The following MDFIC2 variants were observed in gnomAD, a reference collection of about 807,000 sequenced individuals.
MDFIC2 encodes the protein myoD family inhibitor domain-containing protein 2.
intron 2 of MDFIC2, among the ~76,000 whole-genome samples, chr3:70,265,997 T>G (rs1043282020): frequency 1.3e-5 from 2 of 152,162 alleles, no homozygotes; most frequent in South Asian, 2.1e-4. Flanking sequence ...ACATGAGATT[T>G]AGGTTGAGAC....
intron 2 of MDFIC2, among the ~76,000 whole-genome samples, chr3:70,255,776 G>A (rs6419771): frequency 0.99 from 150,410 of 152,292 alleles, 74,290 homozygotes; most frequent in Non-Finnish European, 1. Context: ...TTTTTCAACT[G>A]CAGCTTATGT....
chr3:70,237,733 T>C (rs1298393992), intron 2 of MDFIC2, among the ~76,000 whole-genome samples: 1 of 152,230 alleles, frequency 6.6e-6, no homozygotes, highest in Non-Finnish European at 1.5e-5. Context: ...AGGTGAAACA[T>C]ACCTCAATGG....
At chr3:70,274,194 GTGTT>G (rs1702000831) in intron 2 of MDFIC2, among the ~76,000 whole-genome samples, 1 of 151,712 alleles carries the variant, frequency 6.6e-6, no homozygotes, top group South Asian at 2.1e-4. Context: ...GGGGATGTGA[GTGTT>G]TGTGTGTTTG....
chr3:70,266,314 C>G (rs560292098), intron 2 of MDFIC2, among the ~76,000 whole-genome samples: 1 of 152,204 alleles, frequency 6.6e-6, no homozygotes, highest in East Asian at 1.9e-4. Flanking sequence ...TATAGCTCAA[C>G]ACTGTTTTGA....
chr3:70,207,528 G>A (rs750925164), intron 2 of MDFIC2, among the ~76,000 whole-genome samples: 2 of 152,072 alleles, frequency 1.3e-5, no homozygotes, highest in Admixed American at 1.3e-4. Flanking sequence ...CCCAAGCGTT[G>A]TATGTATTTT....
At chr3:70,222,445 G>A (rs1338625743) in intron 2 of MDFIC2, among the ~76,000 whole-genome samples, 1 of 152,148 alleles carries the variant, frequency 6.6e-6, no homozygotes, top group Non-Finnish European at 1.5e-5. Flanking sequence ...TTATGGATTT[G>A]TTTGTGTCTA....
chr3:70,202,851 T>C (rs544488519), intron 3 of MDFIC2, among the ~76,000 whole-genome samples: 2 of 152,154 alleles, frequency 1.3e-5, no homozygotes, highest in Admixed American at 6.5e-5. Flanking sequence ...GGAGGGAGAA[T>C]CTCTCTCACT....
intron 2 of MDFIC2, among the ~76,000 whole-genome samples, chr3:70,216,366 T>C (rs1559537210): frequency 6.6e-6 from 1 of 151,524 alleles, no homozygotes; most frequent in African/African-American, 2.4e-5. Flanking sequence ...TGTCATTCAT[T>C]TTTCTAAGAG....
At chr3:70,198,352 A>T (rs1701201797) in intron 3 of MDFIC2, among the ~76,000 whole-genome samples, 3 of 152,088 alleles carry the variant, frequency 2.0e-5, no homozygotes, top group Non-Finnish European at 4.4e-5. Context: ...TATAGAAGAG[A>T]TTTTGCCTAC....
chr3:70,205,050 G>A (rs1701277713), intron 3 of MDFIC2: 1 of 152,104 alleles, frequency 6.6e-6, no homozygotes, highest in South Asian at 2.1e-4. Flanking sequence ...TGAATTCAGA[G>A]TCATAATCTG....
At chr3:70,215,028 T>C (rs1170028048) in intron 2 of MDFIC2, among the ~76,000 whole-genome samples, 2 of 152,132 alleles carry the variant, frequency 1.3e-5, no homozygotes, top group African/African-American at 2.4e-5. Context: ...TTACTATCAG[T>C]GTTTAAATAT....
intron 2 of MDFIC2, among the ~76,000 whole-genome samples, chr3:70,279,957 T>C (rs182878810): frequency 1.5e-3 from 230 of 152,298 alleles, no homozygotes; most frequent in African/African-American, 5.3e-3. Context: ...CTGTAGTTGT[T>C]TTTTAGGGTT....
At chr3:70,235,328 CA>C (rs1701597197) in intron 2 of MDFIC2, among the ~76,000 whole-genome samples, 1 of 152,078 alleles carries the variant, frequency 6.6e-6, no homozygotes, top group Non-Finnish European at 1.5e-5. Flanking sequence ...CTATTTTTTC[CA>C]TCTTCAAATT....
intron 2 of MDFIC2, among the ~76,000 whole-genome samples, chr3:70,310,996 T>C (rs1027342244): frequency 1.3e-5 from 2 of 152,194 alleles, no homozygotes; most frequent in African/African-American, 4.8e-5. Flanking sequence ...TTCACAGGGT[T>C]GTCATGATGA....
intron 2 of MDFIC2, chr3:70,272,365 C>T (rs1434109122): frequency 6.6e-6 from 1 of 152,192 alleles, no homozygotes; most frequent in African/African-American, 2.4e-5. Flanking sequence ...ATTTCATACA[C>T]TATGTACTCT....
chr3:70,200,199 C>G (rs1394269426), intron 3 of MDFIC2, among the ~76,000 whole-genome samples: 1 of 152,210 alleles, frequency 6.6e-6, no homozygotes, highest in Non-Finnish European at 1.5e-5. Context: ...AGGTCAACAG[C>G]AATAGCCTCC....
chr3:70,215,147 A>T (rs898242969), intron 2 of MDFIC2, among the ~76,000 whole-genome samples: 2 of 152,146 alleles, frequency 1.3e-5, no homozygotes, highest in Admixed American at 6.5e-5. Context: ...TCTTATGTGC[A>T]TTATCACATT....
intron 2 of MDFIC2, among the ~76,000 whole-genome samples, chr3:70,265,010 G>T (rs1182545214): frequency 6.6e-6 from 1 of 152,120 alleles, no homozygotes; most frequent in Non-Finnish European, 1.5e-5. Context: ...ATGTGCAGGG[G>T]AACTCCCCTT....
intron 2 of MDFIC2, among the ~76,000 whole-genome samples, chr3:70,271,489 T>G (rs1210641370): frequency 2.0e-5 from 3 of 152,352 alleles, no homozygotes; most frequent in African/African-American, 7.2e-5. Flanking sequence ...AATTTCTGAA[T>G]TTTAAATGTT....
Sources: gnomAD v4.1 joint callset for allele counts (sites outside exome capture counted in the v4.1 genomes callset) on GRCh38, gnomAD v4.1.1 for gene constraint, MANE v1.5 for transcripts, NCBI Gene and HGNC (gene_info 2026-07-23, HGNC 2026-07-21) for gene names.